PLEKHA5: variants seen among roughly 807,000 people sequenced by gnomAD.
PLEKHA5 encodes the protein pleckstrin homology domain containing A5.
In PLEKHA5, 55 loss-of-function variants were observed where a neutral mutation model predicts 181.9. The ratio of observed to expected loss-of-function variants is 0.30; its 90% CI spans 0.24 to 0.38. The LOEUF (loss-of-function observed/expected upper bound fraction) is 0.38, where lower values mean the gene tolerates loss of function less well. Ranked by LOEUF, PLEKHA5 falls within the 10% of genes least tolerant of loss-of-function variation. The pLI is 1.00. For synonymous variants in PLEKHA5, 535 were observed against 529.4 expected (o/e 1.01, Z -0.15); for missense variants, 1,432 against 1,549.5 (o/e 0.92, Z 1.27).
intron 5 of PLEKHA5, among the ~76,000 whole-genome samples, chr12:19,255,962 AAAT>A (rs1283856881): frequency 2.0e-5 from 3 of 151,964 alleles, no homozygotes; most frequent in Non-Finnish European, 4.4e-5. Context: ...TAACAATATA[AAAT>A]AATGAGAAAT....
chr12:19,293,109 T>C lies in PLEKHA5; in HGVS notation c.2037+1412T>C, dbSNP rs146505158. Among the ~76,000 whole-genome samples, 356 of 152,324 alleles carry C rather than the reference T, an allele frequency of 2.3e-3. 3 individuals carry two copies. Among genetic ancestry groups the C allele is most frequent in the African/African-American group, 8.3e-3 (345 of 41,586 alleles). On this transcript the variant is annotated intron_variant, in intron 15 of 31. Transcript: ENST00000429027. ...AAACTTATTCTAGCTTGTTTCAAAA[T>C]GTCCAAACTTGACTATTTTATCAAA...
chr12:19,269,656 C>T, intron 8 of PLEKHA5, 114 bp from the exon 9 acceptor site: 1 of 550,376 alleles, frequency 1.8e-6, no homozygotes, highest in South Asian at 2.9e-5. Context: ...GATAAGTCTA[C>T]TTTCTCTGAA....
At chr12:19,261,758 T>C (rs2068574928) in intron 7 of PLEKHA5, among the ~76,000 whole-genome samples, 1 of 152,234 alleles carries the variant, frequency 6.6e-6, no homozygotes, top group South Asian at 2.1e-4. Flanking sequence ...TTATGACTTT[T>C]CTCTAGAAGT....
chr12:19,196,489 C>CA (rs2052772768), intron 3 of PLEKHA5, among the ~76,000 whole-genome samples: 1 of 152,126 alleles, frequency 6.6e-6, no homozygotes, highest in Non-Finnish European at 1.5e-5. Context: ...GTGTCTCTTA[C>CA]AAAGCAAGAA....
intron 3 of PLEKHA5, among the ~76,000 whole-genome samples, chr12:19,190,605 A>T (rs369170640): frequency 1.2e-3 from 181 of 152,340 alleles, no homozygotes; most frequent in Middle Eastern, 3.4e-3. Flanking sequence ...AGCCCAGCAT[A>T]TCTAATCATT....
At chr12:19,255,005 C>T (rs1348168801) in intron 4 of PLEKHA5, 40 bp from the exon 5 acceptor site, 2 of 1,563,768 alleles carry the variant, frequency 1.3e-6, no homozygotes, top group East Asian at 2.3e-5. Context: ...AAGCGGGTTA[C>T]ATACACAGCA....
intron 25 of PLEKHA5, 124 bp from the exon 26 acceptor site, chr12:19,353,760 G>T (rs936609146): frequency 4.7e-6 from 3 of 642,718 alleles, no homozygotes; most frequent in Non-Finnish European, 5.6e-6. Context: ...CGCCAGGCCA[G>T]CCTGACTCTT....
intron 20 of PLEKHA5, among the ~76,000 whole-genome samples, chr12:19,331,135 CTT>C (rs542030595): frequency 6.6e-6 from 1 of 151,698 alleles, no homozygotes; most frequent in African/African-American, 2.4e-5. Context: ...TAATTATTTG[CTT>C]TTTTTTAAAC....
At chr12:19,219,810 T>A (rs2058650384) in intron 3 of PLEKHA5, among the ~76,000 whole-genome samples, 1 of 152,146 alleles carries the variant, frequency 6.6e-6, no homozygotes, top group South Asian at 2.1e-4. Flanking sequence ...TTTATATAAT[T>A]GGTTTTGGTG....
At chr12:19,333,699 C>T (rs373522004) in intron 20 of PLEKHA5, among the ~76,000 whole-genome samples, 1 of 151,638 alleles carries the variant, frequency 6.6e-6, no homozygotes, top group Non-Finnish European at 1.5e-5. Context: ...ACCTCCACCC[C>T]CCAGGTTCAA....
intron 3 of PLEKHA5, among the ~76,000 whole-genome samples, chr12:19,169,154 A>G (rs1207410322): frequency 6.6e-6 from 1 of 152,166 alleles, no homozygotes; most frequent in Admixed American, 6.5e-5. Context: ...CAGCTTTACT[A>G]ATATTGTAGT....
At chr12:19,326,438 G>A (rs776504502) in intron 20 of PLEKHA5, among the ~76,000 whole-genome samples, 4 of 152,102 alleles carry the variant, frequency 2.6e-5, no homozygotes, top group African/African-American at 9.7e-5. Flanking sequence ...CAAGCATAAG[G>A]GGTATAACAT....
intron 3 of PLEKHA5, among the ~76,000 whole-genome samples, chr12:19,197,157 G>C (rs1366975862): frequency 6.6e-6 from 1 of 152,038 alleles, no homozygotes; most frequent in Admixed American, 6.5e-5. Context: ...GTTCAGCATC[G>C]TTGAGCCTTA....
At chr12:19,237,604 A>C (rs1692415442) in intron 3 of PLEKHA5, among the ~76,000 whole-genome samples, 1 of 152,056 alleles carries the variant, frequency 6.6e-6, no homozygotes, top group African/African-American at 2.4e-5. Flanking sequence ...TATGATTCAA[A>C]GTAGGAATGT....
intron 3 of PLEKHA5, among the ~76,000 whole-genome samples, chr12:19,251,570 A>G (rs1171574275): frequency 2.6e-5 from 4 of 151,908 alleles, no homozygotes; most frequent in African/African-American, 9.7e-5. Flanking sequence ...TGTTGGGTGC[A>G]GTTTTTTGCA....
intron 3 of PLEKHA5, chr12:19,154,620 G>A (rs2041249018): frequency 6.6e-6 from 1 of 152,160 alleles, no homozygotes; most frequent in Non-Finnish European, 1.5e-5. Context: ...TCTTATTAGT[G>A]AGAATGGTTA....
At chr12:19,191,570 C>T (rs1224873258) in intron 3 of PLEKHA5, among the ~76,000 whole-genome samples, 3 of 152,256 alleles carry the variant, frequency 2.0e-5, no homozygotes, top group East Asian at 1.9e-4. Context: ...AAATAAGATA[C>T]GTTGTAACCT....
chr12:19,304,538 G>A (rs1436129915), intron 15 of PLEKHA5, among the ~76,000 whole-genome samples: 1 of 152,152 alleles, frequency 6.6e-6, no homozygotes. Context: ...TCTGGACCTT[G>A]AAAAATTCTT....
intron 3 of PLEKHA5, among the ~76,000 whole-genome samples, chr12:19,248,931 T>C (rs2064488394): frequency 6.6e-6 from 1 of 152,248 alleles, no homozygotes; most frequent in Non-Finnish European, 1.5e-5. Flanking sequence ...AAATAACATT[T>C]ATCAAGTGCT....
Sources: gnomAD v4.1 joint callset for allele counts (sites outside exome capture counted in the v4.1 genomes callset) on GRCh38, gnomAD v4.1.1 for gene constraint, MANE v1.5 for transcripts, NCBI Gene and HGNC (gene_info 2026-07-23, HGNC 2026-07-21) for gene names.